The following NAV3 variants were observed in gnomAD, a reference collection of about 807,000 sequenced individuals.
NAV3 encodes the protein neuron navigator 3, also known as pore membrane and/or filament interacting like protein 1.
NAV3 carries 87 observed loss-of-function variants against 244.7 expected under a neutral mutation model. The observed-to-expected ratio is 0.36, with a 90% CI of 0.30 to 0.42. The LOEUF (loss-of-function observed/expected upper bound fraction) is 0.42, where lower values mean the gene tolerates loss of function less well. Among genes scored for constraint, NAV3 ranks in the 20% least tolerant of loss-of-function variants. The pLI is 1.00. For synonymous variants in NAV3, 1,126 were observed against 1,042.2 expected, an observed-to-expected ratio of 1.08 and a Z score of -1.55; for missense variants, 2,663 against 2,893.3, an observed-to-expected ratio of 0.92 and a Z score of 1.83.
intron 2 of NAV3, among the ~76,000 whole-genome samples, chr12:77,630,667 T>A (rs1471465801): frequency 6.6e-6 from 1 of 152,186 alleles, no homozygotes; most frequent in African/African-American, 2.4e-5. Context: ...CTTGGCGGTA[T>A]TTTCCTATTA....
At position 78,017,982 on chromosome 12, in the gene NAV3, A is replaced by G. The variant is rs566726329; in HGVS notation, c.1908-3765A>G. On this transcript the variant is annotated intron_variant, in intron 8 of 39. Coordinates refer to ENST00000397909, the MANE Select transcript of NAV3 (RefSeq NM_001024383.2). ...CGGATGGCTTGTAACATCAGTAGAC[A>G]TTTCTGGTCCCATTTCCATGTGAAT... Among the ~76,000 whole-genome samples, 3 of 152,238 alleles carry G rather than the reference A, an allele frequency of 2.0e-5. No homozygotes were observed. In the East Asian group the frequency reaches 5.8e-4, roughly 29 times the overall value.
chr12:77,967,087 C>T (rs771685076), intron 4 of NAV3, among the ~76,000 whole-genome samples: 1 of 152,024 alleles, frequency 6.6e-6, no homozygotes, highest in Non-Finnish European at 1.5e-5. Context: ...ACTGGTAGTT[C>T]TGTAACTTCG....
chr12:77,900,556 G>A (rs1175812425), intron 1 of NAV3, among the ~76,000 whole-genome samples: 2 of 151,558 alleles, frequency 1.3e-5, no homozygotes, highest in African/African-American at 4.8e-5. Flanking sequence ...CATGGCGTGT[G>A]CACATGCACA....
chr12:78,015,057 T>A (rs1169593137), intron 8 of NAV3, among the ~76,000 whole-genome samples: 1 of 152,078 alleles, frequency 6.6e-6, no homozygotes, highest in East Asian at 1.9e-4. Context: ...AGTCGGCATT[T>A]TCCCAGCAGA....
At chr12:77,986,021 GT>G (rs1456322347) in intron 5 of NAV3, among the ~76,000 whole-genome samples, 10 of 152,226 alleles carry the variant, frequency 6.6e-5, no homozygotes, top group African/African-American at 2.2e-4. Flanking sequence ...TTAGCAAATT[GT>G]TGTGGCTTTC....
At chr12:77,991,198 G>C (rs1871378715) in intron 5 of NAV3, among the ~76,000 whole-genome samples, 1 of 151,880 alleles carries the variant, frequency 6.6e-6, no homozygotes, top group African/African-American at 2.4e-5. Flanking sequence ...GCTAATTTTT[G>C]TATTTTTAGT....
At chr12:77,709,482 G>T (rs538603888) in intron 2 of NAV3, among the ~76,000 whole-genome samples, 1 of 152,066 alleles carries the variant, frequency 6.6e-6, no homozygotes, top group Non-Finnish European at 1.5e-5. Flanking sequence ...TAGAGTAAAA[G>T]GAAAACATTC....
intron 2 of NAV3, among the ~76,000 whole-genome samples, chr12:77,662,375 T>C (rs1873501286): frequency 6.6e-6 from 1 of 152,068 alleles, no homozygotes; most frequent in Non-Finnish European, 1.5e-5. Flanking sequence ...CCCTTTTAAA[T>C]TATAAGTTGT....
intron 2 of NAV3, among the ~76,000 whole-genome samples, chr12:77,661,344 G>GT (rs1209465624): frequency 1.3e-5 from 2 of 151,904 alleles, no homozygotes; most frequent in African/African-American, 2.4e-5. Flanking sequence ...TGTTGAAAAT[G>GT]TTTTTTTGCA....
chr12:77,926,994 A>G (rs543281173), intron 1 of NAV3, among the ~76,000 whole-genome samples: 6 of 152,314 alleles, frequency 3.9e-5, no homozygotes, highest in Admixed American at 3.9e-4. Context: ...TATTTATAGC[A>G]TGTTACTTGG....
intron 9 of NAV3, among the ~76,000 whole-genome samples, chr12:78,031,665 C>T (rs796085061): frequency 7.5e-4 from 106 of 141,728 alleles, no homozygotes; most frequent in African/African-American, 2.6e-3. Flanking sequence ...TATTCTCACT[C>T]ATAGGTGGGA....
At position 78,043,352 on chromosome 12, in the gene NAV3, T is replaced by C. The variant is rs1881213058; in HGVS notation, c.2024-6641T>C. Among the ~76,000 whole-genome samples, 4 of 152,344 alleles carry C rather than the reference T, an allele frequency of 2.6e-5. No individual in the cohort carries two copies. The South Asian group carries it at 8.3e-4, about 32-fold the overall frequency. ...ATCATTGATGGGCATTTGGGTTGGTTCCAAGTCTTTGCTATTGTGAACAGT... is the reference window on the plus strand; with the variant it reads ...ATCATTGATGGGCATTTGGGTTGGTCCCAAGTCTTTGCTATTGTGAACAGT... On this transcript the variant is annotated intron_variant, in intron 9 of 39. Transcript: ENST00000397909.
chr12:77,909,341 A>C (rs547515284), intron 1 of NAV3, among the ~76,000 whole-genome samples: 1 of 152,194 alleles, frequency 6.6e-6, no homozygotes, highest in Admixed American at 6.6e-5. Context: ...AGCTTTGTCC[A>C]TCCGGGTAAC....
chr12:78,030,821 T>G (rs964044405), intron 9 of NAV3, among the ~76,000 whole-genome samples: 4 of 152,190 alleles, frequency 2.6e-5, no homozygotes, highest in African/African-American at 9.6e-5. Context: ...ACATGCATAT[T>G]GTAGAATTCT....
chr12:77,785,303 C>T (rs1870853163), intron 2 of NAV3, among the ~76,000 whole-genome samples: 1 of 152,056 alleles, frequency 6.6e-6, no homozygotes, highest in Admixed American at 6.6e-5. Context: ...TCTGTCTGTC[C>T]TGTACAGGGT....
chr12:77,584,601 T>C (rs2136689782), intron 2 of NAV3, among the ~76,000 whole-genome samples: 1 of 152,286 alleles, frequency 6.6e-6, no homozygotes, highest in South Asian at 2.1e-4. Flanking sequence ...CCATTGACTC[T>C]CCATATCCTT....
chr12:77,573,350 T>C (rs1868920834), intron 2 of NAV3, among the ~76,000 whole-genome samples: 3 of 152,180 alleles, frequency 2.0e-5, no homozygotes, highest in African/African-American at 2.4e-5. Context: ...GCTACAGTAA[T>C]CCTTTTGTCA....
intron 2 of NAV3, among the ~76,000 whole-genome samples, chr12:77,802,287 A>G (rs1871748782): frequency 6.6e-6 from 1 of 152,172 alleles, no homozygotes; most frequent in Admixed American, 6.5e-5. Context: ...GTGTTACTGG[A>G]CAGGAACTGG....
chr12:78,168,708 A>T lies in NAV3; in HGVS notation c.4870-47A>T, dbSNP rs773082094. The T allele has an allele frequency of 3.1e-6, 4 of 1,276,806 alleles. No homozygotes were observed. The South Asian group carries it at 5.1e-5, about 16-fold the overall frequency. The allele number at this position is 1,276,806 out of a possible 1,614,324, so 79.1% of individuals were successfully genotyped here. A position where few individuals can be genotyped will look rare whatever the true frequency, so the allele number is the denominator to read the frequency against. ...ATTCAACTATGAGCAGGGAGATTTT[A>T]TTTTTCTTTCGGGTACTAAAGCTTC... On this transcript the variant is annotated intron_variant, in intron 23 of 39. Transcript: ENST00000397909.
Sources: gnomAD v4.1 joint callset for allele counts (sites outside exome capture counted in the v4.1 genomes callset) on GRCh38, gnomAD v4.1.1 for gene constraint, MANE v1.5 for transcripts, NCBI Gene and HGNC (gene_info 2026-07-23, HGNC 2026-07-21) for gene names.